The following POLR3G variants were observed in gnomAD, a reference collection of about 807,000 sequenced individuals.
POLR3G encodes RNA polymerase III subunit G.
A neutral mutation model predicts 30.1 loss-of-function variants in POLR3G; 28 were observed. The ratio of observed to expected loss-of-function variants is 0.93; its 90% CI spans 0.69 to 1.27. The LOEUF is 1.27. Among genes scored for constraint, POLR3G ranks in the 50% most tolerant of loss-of-function variants. The pLI is 0.00. For missense variants in POLR3G, 254 were observed against 264.6 expected (o/e 0.96, Z 0.28); for synonymous variants, 79 against 82.5 (o/e 0.96, Z 0.23).
intron 7 of POLR3G, among the ~76,000 whole-genome samples, chr5:90,507,098 A>G (rs1178012742): frequency 6.6e-6 from 1 of 152,208 alleles, no homozygotes; most frequent in Non-Finnish European, 1.5e-5. Context: ...GAGAAGATTG[A>G]TAATTTAACC....
intron 5 of POLR3G, among the ~76,000 whole-genome samples, chr5:90,498,373 G>A (rs1752089602): frequency 6.6e-6 from 1 of 151,946 alleles, no homozygotes; most frequent in Non-Finnish European, 1.5e-5. Flanking sequence ...TTGCACTCAG[G>A]TAGTGAGTGT....
chr5:90,506,498 A>AT, intron 6 of POLR3G, 30 bp from the exon 7 acceptor site: 1 of 1,605,700 alleles, frequency 6.2e-7, no homozygotes, highest in African/African-American at 1.3e-5. Flanking sequence ...AGTGGTTTCC[A>AT]TACAAATTAA....
intron 1 of POLR3G, among the ~76,000 whole-genome samples, chr5:90,478,685 T>C (rs1034279265): frequency 6.7e-6 from 1 of 148,594 alleles, no homozygotes; most frequent in Non-Finnish European, 1.5e-5. Flanking sequence ...GCCTCCCGAG[T>C]AGCTGGGACT....
Position 90,501,934 on chromosome 5 carries a change from C to T in POLR3G, c.384C>T (p.Asp128=), listed in dbSNP as rs138635696. Residue 128 remains aspartate, a synonymous_variant, in exon 6 of 8, where the codon GAC becomes GAT. Transcript: ENST00000651687. Reference sequence around the variant, plus strand: ...GCCCAAAACCCAAAAAGGCAAAAGACGCAGGCAAAGGCACACCACTCACTA... The same window carrying T: ...GCCCAAAACCCAAAAAGGCAAAAGATGCAGGCAAAGGCACACCACTCACTA... ...KAGPKPKKAK[D]AGKGTPLTNT... is the part of the protein sequence containing the mutation. 6.8e-5 allele frequency: 109 copies of T among 1,613,356 alleles called. No individual in the cohort carries two copies. The highest frequency in any genetic ancestry group is 1.1e-4 in the African/African-American group (8 of 74,926).
chr5:90,514,372 A>C lies in POLR3G; in HGVS notation c.*2233A>C, dbSNP rs1032356334. The C allele has an allele frequency of 2.0e-5, 3 of 152,370 alleles. No homozygotes were observed. The East Asian group carries it at 5.8e-4, about 29-fold the overall frequency. The allele number at this position is 152,370 out of a possible 1,614,324, so 9.4% of individuals were successfully genotyped here. On this transcript the variant is annotated 3_prime_UTR_variant, in exon 8 of 8. Coordinates refer to ENST00000651687, the MANE Select transcript of POLR3G (RefSeq NM_006467.3). ...TGCTTGTTTTTCTGTATTTATTTAC[A>C]CATTAAATTCTTACAAAACAAAATG...
chr5:90,505,480 A>G (rs1752440418), intron 6 of POLR3G, among the ~76,000 whole-genome samples: 1 of 152,220 alleles, frequency 6.6e-6, no homozygotes, highest in African/African-American at 2.4e-5. Flanking sequence ...AAATACAAAG[A>G]TGTAATTTTA....
intron 7 of POLR3G, among the ~76,000 whole-genome samples, chr5:90,507,969 G>A (rs1752567989): frequency 6.6e-6 from 1 of 150,946 alleles, no homozygotes; most frequent in Non-Finnish European, 1.5e-5. Flanking sequence ...TGCCATTATT[G>A]TCTCTTGTCC....
intron 7 of POLR3G, 126 bp from the exon 8 acceptor site, chr5:90,511,927 A>G (rs1485251112): frequency 3.9e-5 from 25 of 642,868 alleles, no homozygotes; most frequent in Non-Finnish European, 6.4e-5. Context: ...AAAGCGGCAC[A>G]GGTAAACACA....
chr5:90,490,590 T>TTAA, intron 3 of POLR3G: 1 of 383,414 alleles, frequency 2.6e-6, no homozygotes, highest in Non-Finnish European at 5.1e-6. Flanking sequence ...TTTTTTTTTG[T>TTAA]AGAGACGGGA....
chr5:90,489,369 G>GTCT, intron 3 of POLR3G, among the ~76,000 whole-genome samples: 1 of 151,100 alleles, frequency 6.6e-6, no homozygotes, highest in Admixed American at 6.6e-5. Flanking sequence ...GGGTTCAAGT[G>GTCT]ATTCTCACAT....
chr5:90,495,987 T>C (rs1176173593), intron 4 of POLR3G, among the ~76,000 whole-genome samples: 1 of 151,822 alleles, frequency 6.6e-6, no homozygotes, highest in Non-Finnish European at 1.5e-5. Context: ...TATTTATTTT[T>C]TTGAGATGGA....
At chr5:90,491,361 A>T in intron 3 of POLR3G, among the ~76,000 whole-genome samples, 1 of 152,184 alleles carries the variant, frequency 6.6e-6, no homozygotes, top group East Asian at 1.9e-4. Context: ...TAGAAACATG[A>T]TTCTGACAGT....
chr5:90,503,842 C>T (rs1317118136), intron 6 of POLR3G, among the ~76,000 whole-genome samples: 2 of 152,166 alleles, frequency 1.3e-5, no homozygotes, highest in African/African-American at 4.8e-5. Context: ...TTCTGCATAA[C>T]AGGAGGCTCT....
chr5:90,483,323 G>A (rs566708617), intron 1 of POLR3G, among the ~76,000 whole-genome samples: 3 of 152,208 alleles, frequency 2.0e-5, no homozygotes, highest in South Asian at 2.1e-4. Context: ...AACGCCTTGG[G>A]CAGTTACAAA....
chr5:90,498,261 T>G (rs1477485592), intron 5 of POLR3G, among the ~76,000 whole-genome samples: 1 of 152,166 alleles, frequency 6.6e-6, no homozygotes, highest in East Asian at 1.9e-4. Flanking sequence ...CTTTTCTTTG[T>G]GTATGTCTTA....
intron 6 of POLR3G, among the ~76,000 whole-genome samples, chr5:90,502,800 C>CTTT (rs1752310237): frequency 1.4e-5 from 1 of 71,652 alleles, no homozygotes; most frequent in African/African-American, 7.3e-5. Flanking sequence ...GTTACCTCAT[C>CTTT]CTTCTTTTTT....
chr5:90,478,432 T>G (rs1184238782), intron 1 of POLR3G, among the ~76,000 whole-genome samples: 2 of 152,154 alleles, frequency 1.3e-5, no homozygotes, highest in Admixed American at 1.3e-4. Flanking sequence ...TGAAGTGTAA[T>G]GCAAATGGAA....
chr5:90,483,314 A>T (rs546806770), intron 1 of POLR3G, among the ~76,000 whole-genome samples: 1 of 152,312 alleles, frequency 6.6e-6, no homozygotes, highest in African/African-American at 2.4e-5. Flanking sequence ...GGCAGGGTGA[A>T]CGCCTTGGGC....
chr5:90,506,187 G>C (rs27963), intron 6 of POLR3G, among the ~76,000 whole-genome samples: 103,533 of 152,058 alleles, frequency 0.68, 35,726 homozygotes, highest in African/African-American at 0.79. Context: ...CGAGATCGTG[G>C]CACTGCACTC....
Sources: allele counts gnomAD v4.1 joint callset (sites outside exome capture counted in the v4.1 genomes callset), GRCh38; gene constraint gnomAD v4.1.1; transcripts MANE v1.5; gene names NCBI Gene and HGNC (gene_info 2026-07-23, HGNC 2026-07-21).